Variants in ITPR1 observed in about 807,000 individuals in gnomAD.
The protein encoded by ITPR1 is inositol 1,4,5-trisphosphate-gated calcium channel ITPR1.
Under a neutral mutation model 318.4 loss-of-function variants are expected in ITPR1, and 96 were observed. The ratio of observed to expected loss-of-function variants is 0.30; its 90% CI spans 0.26 to 0.36. ITPR1 has a LOEUF of 0.36. ITPR1 is among the 10% of genes least tolerant of loss of function. The pLI, the probability that ITPR1 is intolerant of heterozygous loss-of-function variation, is 1.00. For missense variants in ITPR1, 2,440 were observed against 3,460.2 expected, an observed-to-expected ratio of 0.71 and a Z score of 7.40; for synonymous variants, 1,312 against 1,289.9, an observed-to-expected ratio of 1.02 and a Z score of -0.37.
chr3:4,559,448 G>C (rs1272387362), intron 4 of ITPR1, among the ~76,000 whole-genome samples: 1 of 152,138 alleles, frequency 6.6e-6, no homozygotes. Context: ...TATGTTCTCT[G>C]TAAGGGTATT....
intron 54 of ITPR1, among the ~76,000 whole-genome samples, chr3:4,801,156 G>A (rs2106469820): frequency 6.6e-6 from 1 of 152,272 alleles, no homozygotes; most frequent in South Asian, 2.1e-4. Flanking sequence ...ATCTCTGGGA[G>A]AATTCTTAGG....
chr3:4,615,730 A>G (rs1465061748), intron 4 of ITPR1, among the ~76,000 whole-genome samples: 1 of 152,130 alleles, frequency 6.6e-6, no homozygotes, highest in African/African-American at 2.4e-5. Flanking sequence ...ACATACAGTA[A>G]TCATTGTAAG....
At position 4,691,157 on chromosome 3, in the gene ITPR1, T is replaced by G. The variant is rs759550534; in HGVS notation, c.3842T>G (p.Val1281Gly). The G allele has an allele frequency of 2.5e-6, 4 of 1,608,672 alleles. No homozygotes were observed. The highest frequency in any genetic ancestry group is 3.4e-6 in the Non-Finnish European group (4 of 1,175,990). The change falls in exon 32 of 62, where the codon GTA (valine) becomes GGA (glycine). Residue 1281 changes from valine (V) to glycine (G), a missense_variant. Coordinates refer to ENST00000649015, the MANE Select transcript of ITPR1 (RefSeq NM_001378452.1). ...LFLNPGILEA[V>G]TMQHIFMNNF... ...CTCTTGTGCCAGATCCTGGAGGCAG[T>G]AACCATGCAGCACATCTTCATGAAC...
chr3:4,744,128 G>A lies in ITPR1; in HGVS notation c.5544+8774G>A, dbSNP rs574228031. On this transcript the variant is annotated intron_variant, in intron 44 of 61. Coordinates refer to ENST00000649015, the MANE Select transcript of ITPR1 (RefSeq NM_001378452.1). ...TGGGATTACAGGCGTGAGCCACCACGCTGGCTAGGAATTTGTTTCTAAGAG... is the reference window on the plus strand; with the variant it reads ...TGGGATTACAGGCGTGAGCCACCACACTGGCTAGGAATTTGTTTCTAAGAG... Among the ~76,000 whole-genome samples the A allele has an allele frequency of 4.6e-5, 7 of 152,318 alleles. No homozygotes were observed. The East Asian group carries it at 9.7e-4, about 21-fold the overall frequency.
At position 4,675,405 on chromosome 3, in the gene ITPR1, G is replaced by A. The variant is rs41482945; in HGVS notation, c.2779+157G>A. Among the ~76,000 whole-genome samples, 1,450 of 152,310 alleles carry A rather than the reference G, an allele frequency of 9.5e-3. 10 individuals are homozygous for A. Among genetic ancestry groups the A allele is most frequent in the African/African-American group, 0.024 (1,010 of 41,556 alleles). The stretch of plus-strand genomic sequence containing the variant: ...TTTCAAATACTGTGTAAAGAAAAGC[G>A]GAAAGAACAGTACGATGGAGTCCCA... On this transcript the variant is annotated intron_variant, in intron 23 of 61. Transcript: ENST00000649015.
intron 61 of ITPR1, among the ~76,000 whole-genome samples, chr3:4,843,807 C>T (rs531385638): frequency 8.5e-5 from 13 of 152,214 alleles, no homozygotes; most frequent in East Asian, 1.9e-4. Context: ...CATCAGGCCG[C>T]GGCTGTGGAA....
chr3:4,828,037 G>A (rs1265442468), intron 60 of ITPR1, among the ~76,000 whole-genome samples: 1 of 152,126 alleles, frequency 6.6e-6, no homozygotes, highest in Non-Finnish European at 1.5e-5. Context: ...TCAGCTCAGA[G>A]CTTTCCAGTA....
intron 2 of ITPR1, among the ~76,000 whole-genome samples, chr3:4,508,740 A>C (rs770896474): frequency 6.6e-6 from 1 of 152,264 alleles, no homozygotes; most frequent in Non-Finnish European, 1.5e-5. Flanking sequence ...CCCTTTGAAG[A>C]GGTTTCCACC....
At chr3:4,806,006 C>A in intron 54 of ITPR1, 97 bp from the exon 55 acceptor site, 1 of 1,065,390 alleles carries the variant, frequency 9.4e-7, no homozygotes, top group Non-Finnish European at 1.3e-6. Context: ...TGTTTGGGCA[C>A]GGTGACTGAA....
At chr3:4,555,415 A>T (rs2086024783) in intron 4 of ITPR1, among the ~76,000 whole-genome samples, 1 of 152,258 alleles carries the variant, frequency 6.6e-6, no homozygotes, top group African/African-American at 2.4e-5. Context: ...GGCGTATATT[A>T]AAACATACAT....
intron 46 of ITPR1, among the ~76,000 whole-genome samples, chr3:4,769,417 G>A (rs1329137419): frequency 6.6e-6 from 1 of 152,198 alleles, no homozygotes; most frequent in Admixed American, 6.5e-5. Context: ...GGGATGGATG[G>A]ATGGCTAGAT....
chr3:4,603,216 T>A (rs1006250324), intron 4 of ITPR1, among the ~76,000 whole-genome samples: 5 of 152,108 alleles, frequency 3.3e-5, no homozygotes, highest in Non-Finnish European at 5.9e-5. Flanking sequence ...GCTATAATTT[T>A]TAAAATTATT....
chr3:4,663,015 C>G, intron 15 of ITPR1, 50 bp from the exon 16 acceptor site: 1 of 1,563,006 alleles, frequency 6.4e-7, no homozygotes, highest in East Asian at 2.3e-5. Flanking sequence ...AAGCTTCCAG[C>G]CTGCTGAACA....
At chr3:4,812,811 C>T (rs2049025525) in intron 56 of ITPR1, among the ~76,000 whole-genome samples, 1 of 152,202 alleles carries the variant, frequency 6.6e-6, no homozygotes, top group Non-Finnish European at 1.5e-5. Context: ...CCTGCTAATG[C>T]TTCTCGTGCA....
At chr3:4,706,401 T>A (rs1243827634) in intron 37 of ITPR1, 50 bp downstream of exon 37, 2 of 1,506,488 alleles carry the variant, frequency 1.3e-6, no homozygotes, top group Non-Finnish European at 1.8e-6. Flanking sequence ...CTCACGTGAT[T>A]GCCACACACA....
intron 61 of ITPR1, 105 bp from the exon 62 acceptor site, chr3:4,846,034 G>T (rs1194039121): frequency 1.7e-5 from 10 of 598,482 alleles, no homozygotes; most frequent in Non-Finnish European, 2.0e-5. Flanking sequence ...GTAGAAAGTG[G>T]GTTTCAGTAT....
chr3:4,531,957 T>C (rs553736796), intron 4 of ITPR1, among the ~76,000 whole-genome samples: 12 of 152,368 alleles, frequency 7.9e-5, no homozygotes, highest in Admixed American at 2.0e-4. Flanking sequence ...ATGCCTCCAC[T>C]TTCTCATCTG....
At chr3:4,819,313 C>T (rs1012164025) in intron 60 of ITPR1, among the ~76,000 whole-genome samples, 6 of 152,186 alleles carry the variant, frequency 3.9e-5, no homozygotes, top group Non-Finnish European at 8.8e-5. Context: ...GATTCTGTGC[C>T]GTCTGTACCC....
At position 4,740,596 on chromosome 3, in the gene ITPR1, A is replaced by C. The variant is rs3805000; in HGVS notation, c.5544+5242A>C. On this transcript the variant is annotated intron_variant, in intron 44 of 61. Transcript: ENST00000649015. Reference sequence around the variant, plus strand: ...CCTGAAATGCCTGGAAGCCAAATACAGGTTACTTCCCAGTCTGGCATAATG... The same window carrying C: ...CCTGAAATGCCTGGAAGCCAAATACCGGTTACTTCCCAGTCTGGCATAATG... Among the ~76,000 whole-genome samples, 3 of 152,284 alleles carry C rather than the reference A, an allele frequency of 2.0e-5. No homozygotes were observed. In the East Asian group the frequency reaches 5.8e-4, roughly 29 times the overall value.
Sources: gnomAD v4.1 joint callset for allele counts (sites outside exome capture counted in the v4.1 genomes callset) on GRCh38, gnomAD v4.1.1 for gene constraint, MANE v1.5 for transcripts, NCBI Gene and HGNC (gene_info 2026-07-23, HGNC 2026-07-21) for gene names.